The following ARHGAP24 variants were observed in gnomAD, a reference collection of about 807,000 sequenced individuals.
ARHGAP24 encodes the protein Rho GTPase activating protein 24, also known as rho GTPase-activating protein 24.
In ARHGAP24, 50 loss-of-function variants were observed where a neutral mutation model predicts 76.4. The observed-to-expected ratio is 0.65, with a 90% CI of 0.52 to 0.83. The LOEUF (loss-of-function observed/expected upper bound fraction) is 0.83. ARHGAP24 is among the 40% of genes least tolerant of loss of function. The pLI is 0.00. For synonymous variants in ARHGAP24, 345 were observed against 323.3 expected, an observed-to-expected ratio of 1.07 and a Z score of -0.72; for missense variants, 930 against 914.2, an observed-to-expected ratio of 1.02 and a Z score of -0.22.
intron 1 of ARHGAP24, among the ~76,000 whole-genome samples, chr4:85,504,666 T>G (rs1723964623): frequency 6.6e-6 from 1 of 152,206 alleles, no homozygotes; most frequent in Non-Finnish European, 1.5e-5. Flanking sequence ...GTCTTGACTC[T>G]TTATCCAGTT....
intron 1 of ARHGAP24, among the ~76,000 whole-genome samples, chr4:85,506,222 C>T (rs181245101): frequency 2.0e-5 from 3 of 152,240 alleles, no homozygotes; most frequent in East Asian, 1.9e-4. Flanking sequence ...GAGGAGGCAG[C>T]GTGTCTGTTC....
chr4:85,510,406 C>T (rs191162755), intron 1 of ARHGAP24, among the ~76,000 whole-genome samples: 13 of 151,908 alleles, frequency 8.6e-5, no homozygotes, highest in Non-Finnish European at 1.5e-4. Flanking sequence ...TAATGTACCA[C>T]TCCCCTTTCT....
intron 3 of ARHGAP24, chr4:85,722,371 G>A: frequency 5.7e-6 from 1 of 174,446 alleles, no homozygotes. Flanking sequence ...TCTTCAAGGA[G>A]GTTTTGCAAA....
At chr4:85,650,629 C>T (rs907291482) in intron 2 of ARHGAP24, among the ~76,000 whole-genome samples, 3 of 149,266 alleles carry the variant, frequency 2.0e-5, no homozygotes, top group East Asian at 1.9e-4. Context: ...TTGAATAATA[C>T]AATAATTATT....
chr4:85,486,143 A>G lies in ARHGAP24; in HGVS notation c.-21+10584A>G, dbSNP rs141061435. 4.1e-3 allele frequency among the ~76,000 whole-genome samples: 622 copies of G among 152,322 alleles called. 2 individuals are homozygous for G. Among genetic ancestry groups the G allele is most frequent in the African/African-American group, 0.014 (583 of 41,580 alleles). On this transcript the variant is annotated intron_variant, in intron 1 of 9. Transcript: ENST00000395184. ...ATAGAGGAGTGAGGATCTGGAAGGG[A>G]TATCTATAACATGATAAAGTTTAGT... is the stretch of plus-strand genomic sequence containing the variant.
At chr4:85,606,953 G>A (rs992729932) in intron 2 of ARHGAP24, among the ~76,000 whole-genome samples, 1 of 152,160 alleles carries the variant, frequency 6.6e-6, no homozygotes, top group Admixed American at 6.5e-5. Flanking sequence ...GACTTGAAGA[G>A]TTTGAGAGAC....
chr4:85,792,712 GA>G (rs1728183312), intron 3 of ARHGAP24, among the ~76,000 whole-genome samples: 1 of 151,992 alleles, frequency 6.6e-6, no homozygotes, highest in African/African-American at 2.4e-5. Context: ...ATTTTCTCAG[GA>G]AATATCTGAT....
At chr4:85,778,927 G>T (rs1001814484) in intron 3 of ARHGAP24, 6 of 985,302 alleles carry the variant, frequency 6.1e-6, no homozygotes, top group African/African-American at 5.2e-5. Flanking sequence ...AGTCGGCACT[G>T]GGAACAGCTG....
chr4:85,490,341 TTA>T (rs1723304380), intron 1 of ARHGAP24, among the ~76,000 whole-genome samples: 1 of 152,164 alleles, frequency 6.6e-6, no homozygotes, highest in Non-Finnish European at 1.5e-5. Flanking sequence ...AAGACTGTGT[TTA>T]CAGGCTTGGA....
intron 3 of ARHGAP24, among the ~76,000 whole-genome samples, chr4:85,840,471 C>G (rs75539233): frequency 6.6e-6 from 1 of 152,202 alleles, no homozygotes; most frequent in Non-Finnish European, 1.5e-5. Context: ...TGTGGTCTTA[C>G]GAGCCCAGCA....
intron 1 of ARHGAP24, among the ~76,000 whole-genome samples, chr4:85,487,431 T>G (rs1288065656): frequency 1.0e-5 from 1 of 100,308 alleles, no homozygotes; most frequent in Non-Finnish European, 1.8e-5. Flanking sequence ...TATATAAATA[T>G]ATAAATATAT....
At chr4:85,819,166 G>T (rs938442632) in intron 3 of ARHGAP24, among the ~76,000 whole-genome samples, 3 of 152,118 alleles carry the variant, frequency 2.0e-5, no homozygotes, top group African/African-American at 7.2e-5. Context: ...ATATGCTGAT[G>T]GCCATATGCC....
chr4:85,931,180 T>C (rs1736312682), intron 4 of ARHGAP24: 2 of 846,690 alleles, frequency 2.4e-6, no homozygotes, highest in Non-Finnish European at 3.5e-6. Flanking sequence ...TTTGTGCGTA[T>C]CCTTGCTTGT....
At chr4:85,538,476 A>T (rs949938743) in intron 1 of ARHGAP24, among the ~76,000 whole-genome samples, 1 of 152,150 alleles carries the variant, frequency 6.6e-6, no homozygotes, top group African/African-American at 2.4e-5. Context: ...GGGAAAGGCA[A>T]CTATACTTAT....
chr4:85,881,886 ATTATTT>A (rs1179306446), intron 3 of ARHGAP24, among the ~76,000 whole-genome samples: 4 of 152,218 alleles, frequency 2.6e-5, no homozygotes, highest in Admixed American at 6.5e-5. Flanking sequence ...TAAATCGGAT[ATTATTT>A]ATAGGGAATA....
At chr4:85,997,389 TAGATAGATAG>T (rs1286389327) in intron 9 of ARHGAP24, among the ~76,000 whole-genome samples, 4 of 149,242 alleles carry the variant, frequency 2.7e-5, no homozygotes, top group African/African-American at 1.0e-4. Context: ...GATAGATAGA[TAGATAGATAG>T]ATAGATAGAT....
chr4:85,503,818 A>G (rs982838631), intron 1 of ARHGAP24, among the ~76,000 whole-genome samples: 2 of 152,140 alleles, frequency 1.3e-5, no homozygotes, highest in African/African-American at 4.8e-5. Flanking sequence ...TAGGGTGTCA[A>G]TTTTAGATCG....
intron 3 of ARHGAP24, among the ~76,000 whole-genome samples, chr4:85,914,451 C>T (rs80158738): frequency 0.017 from 2,519 of 152,228 alleles, 72 homozygotes; most frequent in African/African-American, 0.058. Context: ...AACAAGTTTC[C>T]GGGTGCTGCC....
At chr4:85,950,636 C>A (rs139010718) in intron 5 of ARHGAP24, among the ~76,000 whole-genome samples, 3,980 of 151,224 alleles carry the variant, frequency 0.026, 75 homozygotes, top group Non-Finnish European at 0.037. Flanking sequence ...TTTTCTTTTT[C>A]TTTTTCTTTT....
Sources: gnomAD v4.1 joint callset for allele counts (sites outside exome capture counted in the v4.1 genomes callset) on GRCh38, gnomAD v4.1.1 for gene constraint, MANE v1.5 for transcripts, NCBI Gene and HGNC (gene_info 2026-07-23, HGNC 2026-07-21) for gene names.